Variants in CTSZ observed in about 807,000 individuals in gnomAD.
CTSZ encodes carboxypeptidase LB.
Under a neutral mutation model 32.4 loss-of-function variants are expected in CTSZ, and 39 were observed. The observed-to-expected ratio is 1.20, with a 90% CI of 0.93 to 1.57. The LOEUF is 1.57. Ranked by LOEUF, CTSZ falls within the 40% of genes most tolerant of loss-of-function variation. The probability of loss-of-function intolerance (pLI) is 0.00; values close to 1 mark genes in which losing one functional copy is unlikely to be tolerated. For synonymous variants in CTSZ, 168 were observed against 170.1 expected, an observed-to-expected ratio of 0.99 and a Z score of 0.10; for missense variants, 397 against 419.6, an observed-to-expected ratio of 0.95 and a Z score of 0.47.
rs1230798930 is a variant in CTSZ, at chr20:58,995,725, G to T, written c.836C>A (p.Thr279Asn). The part of the protein sequence containing the change: ...ERGWLRIVTS[T>N]YKDGKGARYN... ...TCTGGCGCCCTTCCCATCCTTATAG[G>T]TGCTGGTCACGATCCTCAGCCAGCC... Residue 279 changes from threonine to asparagine, a missense_variant, in exon 6 of 6, where the codon ACC becomes AAC. Transcript: ENST00000217131. The T allele has an allele frequency of 6.2e-7, 1 of 1,614,026 alleles. No individual in the cohort carries two copies. Among genetic ancestry groups the T allele is most frequent in the South Asian group, 1.1e-5 (1 of 91,064 alleles).
intron 2 of CTSZ, among the ~76,000 whole-genome samples, chr20:59,003,292 CT>C: frequency 6.6e-6 from 1 of 152,368 alleles, no homozygotes; most frequent in African/African-American, 2.4e-5. Context: ...GCCTCTCCGT[CT>C]ACTCCTGCCT....
Position 59,001,557 on chromosome 20 carries a change from C to T in CTSZ, c.395G>A (p.Cys132Tyr), listed in dbSNP as rs757406148. The T allele has an allele frequency of 2.5e-6, 4 of 1,614,230 alleles. No individual in the cohort carries two copies. Among genetic ancestry groups the T allele is most frequent in the Non-Finnish European group, 3.4e-6 (4 of 1,180,034 alleles). ...CACGGACAGGTCATTACCCCCTTCA[C>T]AGGAGCCAGCGTTACCGCAGTCGAT... ...NVIDCGNAGS[C>Y]EGGNDLSVWD... Residue 132 changes from cysteine (C) to tyrosine (Y), a missense_variant, in exon 3 of 6, where the codon TGT (cysteine) becomes TAT (tyrosine). Transcript: ENST00000217131.
chr20:59,000,858 C>G (rs1040351717), intron 3 of CTSZ, among the ~76,000 whole-genome samples: 3 of 136,678 alleles, frequency 2.2e-5, no homozygotes, highest in African/African-American at 8.3e-5. Context: ...GAGCCGTAGT[C>G]TTGCTCTGTC....
chr20:58,997,829 C>T (rs901627684), intron 3 of CTSZ, 76 bp from the exon 4 acceptor site: 3 of 1,344,816 alleles, frequency 2.2e-6, no homozygotes, highest in African/African-American at 1.5e-5. Flanking sequence ...GCCAAGCCCA[C>T]TCTCCACTCT....
rs1405810562 is a variant in CTSZ, at chr20:59,002,794, T to C, written c.308-1150A>G. On this transcript the variant is annotated intron_variant, in intron 2 of 5. Transcript: ENST00000217131. The surrounding 1 kb of genome is among the most constrained non-coding windows in gnomAD (Gnocchi z 4.1). ...GGTGGCTGGTTTGTCCCCTCCCACC[T>C]GACCGACCCACCCTAGGTTCCATCC... Among the ~76,000 whole-genome samples the C allele has an allele frequency of 1.3e-5, 2 of 152,082 alleles. No homozygotes were observed. Among genetic ancestry groups the C allele is most frequent in the East Asian group, 3.9e-4 (2 of 5,180 alleles).
rs1200923874 is a variant in CTSZ at position 59,006,371 on chromosome 20, G to C, written c.258C>G (p.Pro86=). The C allele has an allele frequency of 6.2e-7, 1 of 1,613,882 alleles. No individual in the cohort carries two copies. Among genetic ancestry groups the C allele is most frequent in the Non-Finnish European group, 8.5e-7 (1 of 1,180,014 alleles). Residue 86 remains proline, a synonymous_variant, in exon 2 of 6, where the codon CCC becomes CCG. Coordinates refer to ENST00000217131, the MANE Select transcript of CTSZ (RefSeq NM_001336.4). The part of the protein sequence containing the change: ...YASITRNQHI[P]QYCGSCWAHA... ...GGGCCCAGCAGGAGCCGCAGTATTGGGGGATGTGCTGGTTCCGGGTGATGC... is the reference window on the plus strand; with the variant it reads ...GGGCCCAGCAGGAGCCGCAGTATTGCGGGATGTGCTGGTTCCGGGTGATGC...
chr20:59,002,941 C>T lies in CTSZ; in HGVS notation c.308-1297G>A, dbSNP rs1164306352. ...GCCTTTCTCACAACAACAGAGGAAGCCCCCGGCCCCTCCCACTCACTATCA... is the reference window on the plus strand; with the variant it reads ...GCCTTTCTCACAACAACAGAGGAAGTCCCCGGCCCCTCCCACTCACTATCA... On this transcript the variant is annotated intron_variant, in intron 2 of 5. Coordinates refer to ENST00000217131, the MANE Select transcript of CTSZ (RefSeq NM_001336.4). This position sits in a 1 kb window ranked among gnomAD's most constrained non-coding sequence, Gnocchi z 4.1. Among the ~76,000 whole-genome samples, 2 of 152,150 alleles carry T rather than the reference C, an allele frequency of 1.3e-5. No individual in the cohort carries two copies. Among genetic ancestry groups the T allele is most frequent in the African/African-American group, 4.8e-5 (2 of 41,424 alleles).
rs781739366 is a variant in CTSZ at position 59,006,458 on chromosome 20, C to T, written c.171G>A (p.Leu57=). The change falls in exon 2 of 6, where the codon CTG becomes CTA. Residue 57 remains leucine, a synonymous_variant. Coordinates refer to ENST00000217131, the MANE Select transcript of CTSZ (RefSeq NM_001336.4). The part of the protein sequence containing the change: ...RSTYPRPHEY[L]SPADLPKSWD... Reference sequence around the variant, plus strand: ...AGCTCTTGGGCAGATCCGCTGGGGACAGGTACTCATGAGGCCGGGGGTATG... The same window carrying T: ...AGCTCTTGGGCAGATCCGCTGGGGATAGGTACTCATGAGGCCGGGGGTATG... 33 of 1,613,610 alleles carry T rather than the reference C, an allele frequency of 2.0e-5. No individual in the cohort carries two copies. Among genetic ancestry groups the T allele is most frequent in the African/African-American group, 2.7e-5 (2 of 74,950 alleles).
intron 2 of CTSZ, among the ~76,000 whole-genome samples, chr20:59,003,615 T>G (rs1164990354): frequency 6.6e-6 from 1 of 152,014 alleles, no homozygotes; most frequent in Non-Finnish European, 1.5e-5. Context: ...TGAAGAAAAA[T>G]AAATCCGGGA....
chr20:59,003,543 C>T (rs114750875), intron 2 of CTSZ, among the ~76,000 whole-genome samples: 225 of 152,310 alleles, frequency 1.5e-3, no homozygotes, highest in African/African-American at 5.2e-3. Flanking sequence ...AGGGGGTTGT[C>T]GGGACATGAC....
chr20:58,997,475 A>G (rs895573214), intron 4 of CTSZ, 128 bp downstream of exon 4: 66 of 905,444 alleles, frequency 7.3e-5, no homozygotes, highest in Admixed American at 1.4e-4. Flanking sequence ...AGATGCCTAC[A>G]TGAGCACCGA....
rs1016014496 is a variant in CTSZ, at chr20:59,004,869, C to A, written c.307+1453G>T. Among the ~76,000 whole-genome samples, 1 of 152,034 alleles carries A rather than the reference C, an allele frequency of 6.6e-6. No homozygotes were observed. Among genetic ancestry groups the A allele is most frequent in the African/African-American group, 2.4e-5 (1 of 41,386 alleles). Reference sequence around the variant, plus strand: ...GAGAGAGTCCCCTGGGGAAATGCGGCAGGGCTGACCCCTGGCCAGGGTCCC... The same window carrying A: ...GAGAGAGTCCCCTGGGGAAATGCGGAAGGGCTGACCCCTGGCCAGGGTCCC... On this transcript the variant is annotated intron_variant, in intron 2 of 5. Transcript: ENST00000217131. This position sits in a 1 kb window ranked among gnomAD's most constrained non-coding sequence, Gnocchi z 5.6.
chr20:58,998,841 TGTCA>T (rs777689058), intron 3 of CTSZ, among the ~76,000 whole-genome samples: 2 of 152,260 alleles, frequency 1.3e-5, no homozygotes, highest in Non-Finnish European at 2.9e-5. Flanking sequence ...GCGACCTGTC[TGTCA>T]TAGTTACACA....
In CTSZ at chr20:59,007,241, C is replaced by G. The variant is rs577343015; in HGVS notation, c.-113G>C. On this transcript the variant is annotated 5_prime_UTR_variant, in exon 1 of 6. Transcript: ENST00000217131. The stretch of plus-strand genomic sequence containing the variant: ...CCTCGGCCTCGGCCCAGCACCCGGC[C>G]GACCCCGCACTTTGGGCCCCTGCCC... 46 of 1,226,456 alleles carry G rather than the reference C, an allele frequency of 3.8e-5. No individual in the cohort carries two copies. The highest frequency in any genetic ancestry group is 2.0e-4 in the East Asian group (6 of 29,316). 76.0% of individuals were successfully genotyped at this position (1,226,456 alleles called of 1,614,324 possible).
Position 59,002,564 on chromosome 20 carries a change from C to G in CTSZ, c.308-920G>C, listed in dbSNP as rs769640856. ...CTGGACCTGCACATCCCCTCCATCT[C>G]TTGTCACCTTCCAGACTCTCCCACA... is the stretch of plus-strand genomic sequence containing the variant. On this transcript the variant is annotated intron_variant, in intron 2 of 5. Coordinates refer to ENST00000217131, the MANE Select transcript of CTSZ (RefSeq NM_001336.4). The surrounding 1 kb of genome is among the most constrained non-coding windows in gnomAD (Gnocchi z 4.1). 1.3e-5 allele frequency among the ~76,000 whole-genome samples: 2 copies of G among 152,144 alleles called. No homozygotes were observed. The highest frequency in any genetic ancestry group is 2.9e-5 in the Non-Finnish European group (2 of 68,006).
At chr20:58,996,500 G>A (rs1183678375) in intron 5 of CTSZ, 139 bp downstream of exon 5, 10 of 874,856 alleles carry the variant, frequency 1.1e-5, no homozygotes, top group Middle Eastern at 2.5e-4. Flanking sequence ...CCACTCGCGC[G>A]GTGGCTGAGA....
chr20:59,007,082 A>C lies in CTSZ; in HGVS notation c.47T>G (p.Leu16Arg), dbSNP rs1358438711. ...GCCGCCCTGCGCCGCGCCCGCCAGCAGCACGAGCAGCAGAAGCGGCCGCCA... is the reference window on the plus strand; with the variant it reads ...GCCGCCCTGCGCCGCGCCCGCCAGCCGCACGAGCAGCAGAAGCGGCCGCCA... ...PGWRPLLLLV[L>R]LAGAAQGGLY... Residue 16 changes from leucine to arginine, a missense_variant, in exon 1 of 6, where the codon CTG becomes CGG. By Grantham distance (102) the Leu-to-Arg change is moderately radical (BLOSUM62 -2). Coordinates refer to ENST00000217131, the MANE Select transcript of CTSZ (RefSeq NM_001336.4). 2 of 1,456,488 alleles carry C rather than the reference A, an allele frequency of 1.4e-6. No individual in the cohort carries two copies. The highest frequency in any genetic ancestry group is 1.8e-6 in the Non-Finnish European group (2 of 1,109,840). 90.2% of individuals were successfully genotyped at this position (1,456,488 alleles called of 1,614,324 possible). A position where few individuals can be genotyped will look rare whatever the true frequency, so the allele number is the denominator to read the frequency against.
intron 2 of CTSZ, among the ~76,000 whole-genome samples, chr20:59,003,398 G>A (rs1182480032): frequency 6.6e-6 from 1 of 152,218 alleles, no homozygotes; most frequent in East Asian, 1.9e-4. Flanking sequence ...CCCCATCTGG[G>A]AACGGGCTTA....
At chr20:59,001,986 A>G (rs969429307) in intron 2 of CTSZ, among the ~76,000 whole-genome samples, 1 of 152,272 alleles carries the variant, frequency 6.6e-6, no homozygotes, top group Non-Finnish European at 1.5e-5. Flanking sequence ...CTGAATGGAC[A>G]GAGACTCAGC....
Sources: allele counts gnomAD v4.1 joint callset (sites outside exome capture counted in the v4.1 genomes callset), GRCh38; gene constraint gnomAD v4.1.1; non-coding constraint Gnocchi (gnomAD v3.1); transcripts MANE v1.5; gene names NCBI Gene and HGNC (gene_info 2026-07-23, HGNC 2026-07-21).